COL15A1: variants seen among roughly 807,000 people sequenced by gnomAD.
COL15A1 encodes collagen alpha-1(XV) chain.
COL15A1 carries 111 observed loss-of-function variants against 165.9 expected under a neutral mutation model. The observed-to-expected ratio is 0.67, with a 90% CI of 0.57 to 0.78. The LOEUF (loss-of-function observed/expected upper bound fraction) is 0.78. Among genes scored for constraint, COL15A1 ranks in the 30% least tolerant of loss-of-function variants. The probability of loss-of-function intolerance (pLI) is 0.00; values close to 1 mark genes in which losing one functional copy is unlikely to be tolerated. For synonymous variants in COL15A1, 659 were observed against 674.8 expected, an observed-to-expected ratio of 0.98 and a Z score of 0.36; for missense variants, 1,745 against 1,789.7, an observed-to-expected ratio of 0.98 and a Z score of 0.45.
At chr9:99,005,418 C>T (rs547053809) in intron 9 of COL15A1, among the ~76,000 whole-genome samples, 10 of 152,212 alleles carry the variant, frequency 6.6e-5, no homozygotes, top group East Asian at 1.9e-4. Context: ...TCAGAGGGCA[C>T]GGCCAGGCCT....
intron 2 of COL15A1, among the ~76,000 whole-genome samples, chr9:98,961,264 G>T (rs190718508): frequency 6.6e-6 from 1 of 152,346 alleles, no homozygotes; most frequent in East Asian, 1.9e-4. Context: ...GGATCCTATA[G>T]TCTAATGGGG....
chr9:99,011,080 T>G (rs1179307171), intron 9 of COL15A1, among the ~76,000 whole-genome samples: 1 of 152,198 alleles, frequency 6.6e-6, no homozygotes, highest in Non-Finnish European at 1.5e-5. Context: ...ATTTCAGGCC[T>G]TTTAAAAGGC....
chr9:99,007,863 G>A (rs549538086), intron 9 of COL15A1, among the ~76,000 whole-genome samples: 38 of 152,270 alleles, frequency 2.5e-4, no homozygotes, highest in Admixed American at 5.9e-4. Flanking sequence ...ATGGAGACTT[G>A]TAGCCAGTAC....
At chr9:98,970,645 C>A (rs1480065699) in intron 2 of COL15A1, among the ~76,000 whole-genome samples, 2 of 152,134 alleles carry the variant, frequency 1.3e-5, no homozygotes, top group Non-Finnish European at 2.9e-5. Context: ...CTTAATGGAA[C>A]CCAAATTATT....
intron 6 of COL15A1, among the ~76,000 whole-genome samples, chr9:98,998,273 A>T (rs1444268793): frequency 6.6e-6 from 1 of 152,214 alleles, no homozygotes; most frequent in Admixed American, 6.5e-5. Flanking sequence ...CAAGTCTTCT[A>T]CAATAATACA....
chr9:99,044,805 G>A (rs973953308), intron 26 of COL15A1, 35 bp downstream of exon 26: 1 of 1,589,992 alleles, frequency 6.3e-7, no homozygotes, highest in Non-Finnish European at 8.6e-7. Context: ...GATCTGGGCT[G>A]GGGTTTGAAG....
chr9:98,957,861 T>C (rs1837801832), intron 2 of COL15A1, among the ~76,000 whole-genome samples: 3 of 152,320 alleles, frequency 2.0e-5, no homozygotes, highest in South Asian at 2.1e-4. Flanking sequence ...CTATCTTCTT[T>C]TTTTTTCTTT....
intron 11 of COL15A1, among the ~76,000 whole-genome samples, chr9:99,018,189 C>T (rs1838969659): frequency 6.6e-6 from 1 of 152,194 alleles, no homozygotes; most frequent in African/African-American, 2.4e-5. Flanking sequence ...TTTAAAATAC[C>T]TCTTTCCAGT....
chr9:99,015,106 AT>A (rs773453548), intron 9 of COL15A1, among the ~76,000 whole-genome samples: 6 of 150,324 alleles, frequency 4.0e-5, no homozygotes, highest in Admixed American at 6.6e-5. Flanking sequence ...TCCCAGCTTG[AT>A]TTTTTTTTCC....
chr9:98,976,994 T>G (rs913705415), intron 2 of COL15A1, among the ~76,000 whole-genome samples: 52 of 152,024 alleles, frequency 3.4e-4, no homozygotes, highest in African/African-American at 1.3e-3. Flanking sequence ...GGGTGTAAAA[T>G]GTAGGACCCA....
At chr9:98,974,280 C>T (rs1564021233) in intron 2 of COL15A1, among the ~76,000 whole-genome samples, 1 of 152,184 alleles carries the variant, frequency 6.6e-6, no homozygotes. Context: ...AGCTCCTCCC[C>T]AGGTGGTGAG....
chr9:98,966,641 C>G (rs1837962440), intron 2 of COL15A1, among the ~76,000 whole-genome samples: 1 of 152,206 alleles, frequency 6.6e-6, no homozygotes, highest in South Asian at 2.1e-4. Context: ...GTCTGAGAAG[C>G]CAGTGTGTTT....
chr9:99,042,143 G>A (rs767881464), intron 24 of COL15A1, 36 bp downstream of exon 24: 19 of 1,442,588 alleles, frequency 1.3e-5, no homozygotes, highest in South Asian at 1.2e-4. Flanking sequence ...GAGATTGGGC[G>A]CTGGAATTTG....
intron 32 of COL15A1, among the ~76,000 whole-genome samples, chr9:99,054,870 A>G (rs1043268093): frequency 6.6e-6 from 1 of 152,174 alleles, no homozygotes; most frequent in Non-Finnish European, 1.5e-5. Context: ...TTCATCTTTT[A>G]TATGCAAAAC....
chr9:99,063,183 A>G (rs1256371141), intron 39 of COL15A1, 74 bp downstream of exon 39: 2 of 1,442,264 alleles, frequency 1.4e-6, no homozygotes, highest in Admixed American at 5.9e-5. Flanking sequence ...CATGCTTAGT[A>G]CACAGTTCCT....
At position 99,022,159 on chromosome 9, in the gene COL15A1, C is replaced by T. The variant is rs1343752316; in HGVS notation, c.1761+9C>T. On this transcript the variant is annotated intron_variant, in intron 13 of 41. Coordinates refer to ENST00000375001, the MANE Select transcript of COL15A1 (RefSeq NM_001855.5). ...GGCCTGTTGGACCCACGGTGAGATT[C>T]CCATCCAGGCTTGTCACACACACAG... 2.5e-6 allele frequency: 4 copies of T among 1,614,006 alleles called. No individual in the cohort carries two copies. The highest frequency in any genetic ancestry group is 2.5e-6 in the Non-Finnish European group (3 of 1,179,996).
At chr9:98,949,941 T>G (rs1837651951) in intron 2 of COL15A1, among the ~76,000 whole-genome samples, 1 of 152,238 alleles carries the variant, frequency 6.6e-6, no homozygotes, top group African/African-American at 2.4e-5. Context: ...TCATACAGTG[T>G]ATGACCTATT....
chr9:98,965,334 C>G (rs1837939061), intron 2 of COL15A1, among the ~76,000 whole-genome samples: 1 of 152,194 alleles, frequency 6.6e-6, no homozygotes, highest in African/African-American at 2.4e-5. Flanking sequence ...TTGAGAGTAG[C>G]AAGAGCTGGG....
At chr9:98,950,004 A>G (rs970428752) in intron 2 of COL15A1, among the ~76,000 whole-genome samples, 1 of 152,188 alleles carries the variant, frequency 6.6e-6, no homozygotes, top group African/African-American at 2.4e-5. Flanking sequence ...CTCATGTTGT[A>G]TCATGTGTCA....
Sources: gnomAD v4.1 joint callset for allele counts (sites outside exome capture counted in the v4.1 genomes callset) on GRCh38, gnomAD v4.1.1 for gene constraint, MANE v1.5 for transcripts, NCBI Gene and HGNC (gene_info 2026-07-23, HGNC 2026-07-21) for gene names.